The following FAM185A variants were observed in gnomAD, a reference collection of about 807,000 sequenced individuals.
The protein encoded by FAM185A is protein FAM185A.
A neutral mutation model predicts 45.7 loss-of-function variants in FAM185A; 21 were observed. That is an observed-to-expected ratio of 0.46 (90% CI 0.33 to 0.66). The LOEUF (loss-of-function observed/expected upper bound fraction) is 0.66, where lower values mean the gene tolerates loss of function less well. FAM185A is among the 30% of genes least tolerant of loss of function. FAM185A has a pLI of 0.03. For missense variants in FAM185A, 305 were observed against 485.4 expected (o/e 0.63, Z 3.49); for synonymous variants, 117 against 194.0 (o/e 0.60, Z 3.30).
At chr7:102,826,878 T>C in the FAM185A span, among the ~76,000 whole-genome samples, 1 of 143,884 alleles carries the variant, frequency 7.0e-6, no homozygotes, top group African/African-American at 2.5e-5. Context: ...GGAGAGGCTC[T>C]TAGGAAATTA....
At chr7:102,813,031 T>C (rs1322749095), downstream of FAM185A, among the ~76,000 whole-genome samples, 1 of 151,930 alleles carries the variant, frequency 6.6e-6, no homozygotes, top group Non-Finnish European at 1.5e-5. Flanking sequence ...TTAGTAAAGA[T>C]GGGGTTTCAC....
chr7:102,761,569 G>T (rs2129434053), intron 4 of FAM185A, among the ~76,000 whole-genome samples, 158 bp downstream of exon 4: 1 of 150,790 alleles, frequency 6.6e-6, no homozygotes, highest in African/African-American at 2.4e-5. Flanking sequence ...AAAATAAAAT[G>T]ACTCATAAAG....
the FAM185A span, among the ~76,000 whole-genome samples, chr7:102,830,374 G>A: frequency 6.6e-6 from 1 of 152,156 alleles, no homozygotes; most frequent in South Asian, 2.1e-4. Flanking sequence ...ACTAAGCCAT[G>A]TGTTGCCCAT....
chr7:102,799,622 C>T (rs1796653506), intron 7 of FAM185A, among the ~76,000 whole-genome samples: 1 of 152,224 alleles, frequency 6.6e-6, no homozygotes, highest in Admixed American at 6.5e-5. Context: ...GTAATCACAA[C>T]TCTCCTCAGT....
At chr7:102,811,236 T>A (rs1797415881), downstream of FAM185A, among the ~76,000 whole-genome samples, 1 of 152,202 alleles carries the variant, frequency 6.6e-6, no homozygotes, top group African/African-American at 2.4e-5. Context: ...CTAATGGAAT[T>A]GTACATATTT....
chr7:102,795,652 G>A (rs1167765163), intron 7 of FAM185A, among the ~76,000 whole-genome samples: 2 of 152,036 alleles, frequency 1.3e-5, no homozygotes, highest in African/African-American at 4.8e-5. Context: ...AGTACCAGAG[G>A]GAATAGAACC....
chr7:102,758,882 A>C (rs2129433435), intron 3 of FAM185A, among the ~76,000 whole-genome samples: 1 of 151,282 alleles, frequency 6.6e-6, no homozygotes, highest in Admixed American at 6.6e-5. Context: ...GTTGGTGGGG[A>C]GGAGTTGTGA....
intron 6 of FAM185A, among the ~76,000 whole-genome samples, chr7:102,779,992 CA>C (rs1795307357): frequency 6.6e-6 from 1 of 151,112 alleles, no homozygotes; most frequent in South Asian, 2.1e-4. Context: ...ATTACAGCCA[CA>C]AGCCACTGTG....
At chr7:102,843,463 C>CA in the FAM185A span, among the ~76,000 whole-genome samples, 3 of 151,650 alleles carry the variant, frequency 2.0e-5, no homozygotes, top group Non-Finnish European at 2.9e-5. Context: ...AAACAAAAAA[C>CA]AAAAAAACCT....
At chr7:102,776,881 G>A (rs886185644) in intron 5 of FAM185A, among the ~76,000 whole-genome samples, 2 of 151,512 alleles carry the variant, frequency 1.3e-5, no homozygotes, top group African/African-American at 4.9e-5. Context: ...GAATTCTTTG[G>A]TAATTATTGA....
At chr7:102,842,684 C>T in the FAM185A span, among the ~76,000 whole-genome samples, 5 of 152,124 alleles carry the variant, frequency 3.3e-5, no homozygotes, top group South Asian at 6.2e-4. Context: ...AGGCCATTGT[C>T]GGGGAGGAAG....
At chr7:102,839,364 C>T in the FAM185A span, among the ~76,000 whole-genome samples, 1 of 152,218 alleles carries the variant, frequency 6.6e-6, no homozygotes, top group Non-Finnish European at 1.5e-5. Context: ...GGTGCTGGTG[C>T]AGGTCCTTGG....
At chr7:102,794,747 T>C (rs1437170340) in intron 7 of FAM185A, among the ~76,000 whole-genome samples, 1 of 152,234 alleles carries the variant, frequency 6.6e-6, no homozygotes, top group Non-Finnish European at 1.5e-5. Context: ...GCCAAAAAAC[T>C]GGAAATGACT....
the FAM185A span, among the ~76,000 whole-genome samples, chr7:102,832,419 G>C: frequency 0.017 from 2,512 of 152,224 alleles, 65 homozygotes; most frequent in African/African-American, 0.057. Flanking sequence ...CAAATTATTT[G>C]TATCTGGTAT....
At chr7:102,841,958 T>G in the FAM185A span, among the ~76,000 whole-genome samples, 5 of 152,288 alleles carry the variant, frequency 3.3e-5, no homozygotes, top group South Asian at 1.0e-3. Flanking sequence ...TACCCTTCAT[T>G]CTACCAGAGG....
intron 4 of FAM185A, among the ~76,000 whole-genome samples, chr7:102,766,691 T>G (rs1769791380): frequency 6.6e-6 from 1 of 152,142 alleles, no homozygotes; most frequent in Non-Finnish European, 1.5e-5. Context: ...AATTCTAGTA[T>G]TTATTCCTAG....
chr7:102,784,328 A>G (rs1192621595), intron 6 of FAM185A, among the ~76,000 whole-genome samples: 2 of 151,864 alleles, frequency 1.3e-5, no homozygotes, highest in African/African-American at 4.8e-5. Context: ...TTCCTAACTC[A>G]TTTTATGAGG....
At chr7:102,778,966 TATA>T (rs1295279631) in intron 6 of FAM185A, among the ~76,000 whole-genome samples, 4 of 152,208 alleles carry the variant, frequency 2.6e-5, no homozygotes, top group African/African-American at 9.7e-5. Context: ...TGGAAAAATA[TATA>T]ATGCTTGTTT....
chr7:102,773,049 T>C (rs1193790414), intron 5 of FAM185A, among the ~76,000 whole-genome samples: 3 of 149,282 alleles, frequency 2.0e-5, no homozygotes, highest in Admixed American at 6.7e-5. Context: ...TGAATAGAGA[T>C]TGGGGAAAAA....
Sources: gnomAD v4.1 joint callset for allele counts (sites outside exome capture counted in the v4.1 genomes callset) on GRCh38, gnomAD v4.1.1 for gene constraint, MANE v1.5 for transcripts, NCBI Gene and HGNC (gene_info 2026-07-23, HGNC 2026-07-21) for gene names.